The following CAMK4 variants were observed in gnomAD, a reference collection of about 807,000 sequenced individuals.
CAMK4 encodes calcium/calmodulin-dependent protein kinase type IV.
CAMK4 carries 22 observed loss-of-function variants against 44.9 expected under a neutral mutation model. The ratio of observed to expected loss-of-function variants is 0.49; its 90% CI spans 0.35 to 0.70. The LOEUF (loss-of-function observed/expected upper bound fraction) is 0.70, where lower values mean the gene tolerates loss of function less well. CAMK4 is among the 30% of genes least tolerant of loss of function. The pLI, the probability that CAMK4 is intolerant of heterozygous loss-of-function variation, is 0.01. For missense variants in CAMK4, 498 were observed against 586.8 expected (o/e 0.85, Z 1.56); for synonymous variants, 218 against 215.4 (o/e 1.01, Z -0.11).
At chr5:111,293,935 G>C (rs1023105639) in intron 1 of CAMK4, among the ~76,000 whole-genome samples, 2 of 151,806 alleles carry the variant, frequency 1.3e-5, no homozygotes, top group Admixed American at 6.6e-5. Context: ...TTTTAGTAGA[G>C]ACAGGGTTTC....
intron 7 of CAMK4, among the ~76,000 whole-genome samples, chr5:111,458,200 T>G (rs1754487383): frequency 6.6e-6 from 1 of 152,016 alleles, no homozygotes. Flanking sequence ...AGCATCTGAG[T>G]CAGTTGAGTA....
intron 1 of CAMK4, among the ~76,000 whole-genome samples, chr5:111,254,742 C>T (rs1348538438): frequency 1.3e-5 from 2 of 152,150 alleles, no homozygotes; most frequent in Admixed American, 1.3e-4. Flanking sequence ...ATGCATCATG[C>T]ACACCGCTCT....
intron 1 of CAMK4, among the ~76,000 whole-genome samples, chr5:111,254,327 C>T (rs1749645227): frequency 6.6e-6 from 1 of 152,154 alleles, no homozygotes; most frequent in African/African-American, 2.4e-5. Context: ...GGACAAGACC[C>T]TCTGGGAGGC....
At chr5:111,230,988 A>G (rs1748446507) in intron 1 of CAMK4, among the ~76,000 whole-genome samples, 1 of 152,178 alleles carries the variant, frequency 6.6e-6, no homozygotes, top group East Asian at 1.9e-4. Context: ...CATGAAGTTG[A>G]TAGCAGCTAG....
intron 1 of CAMK4, among the ~76,000 whole-genome samples, chr5:111,268,998 CT>C (rs1308209442): frequency 6.6e-6 from 1 of 152,064 alleles, no homozygotes. Context: ...GCAGGGAAGA[CT>C]TTTTGGTGAT....
intron 1 of CAMK4, among the ~76,000 whole-genome samples, chr5:111,332,635 A>G (rs1403922554): frequency 6.6e-6 from 1 of 151,562 alleles, no homozygotes; most frequent in Non-Finnish European, 1.5e-5. Flanking sequence ...TTCAAAATTA[A>G]TTACATTTTA....
intron 5 of CAMK4, among the ~76,000 whole-genome samples, chr5:111,431,774 T>G (rs565923752): frequency 9.9e-5 from 15 of 152,150 alleles, no homozygotes; most frequent in Admixed American, 6.6e-5. Flanking sequence ...TCAACATCAT[T>G]GATCATCAGA....
intron 1 of CAMK4, among the ~76,000 whole-genome samples, chr5:111,343,602 A>T (rs924034770): frequency 4.0e-5 from 6 of 151,774 alleles, no homozygotes; most frequent in African/African-American, 1.5e-4. Flanking sequence ...TACAGACTAT[A>T]TAGAGTGCTT....
At chr5:111,355,274 A>G (rs998225372) in intron 2 of CAMK4, among the ~76,000 whole-genome samples, 28 of 152,110 alleles carry the variant, frequency 1.8e-4, no homozygotes, top group African/African-American at 6.0e-4. Context: ...TGGAATAGGA[A>G]CAGGAATATT....
chr5:111,259,129 C>T (rs1749870167), intron 1 of CAMK4, among the ~76,000 whole-genome samples: 1 of 152,124 alleles, frequency 6.6e-6, no homozygotes, highest in African/African-American at 2.4e-5. Flanking sequence ...GAGCAAGAAC[C>T]CATAAAAAGA....
Position 111,424,810 on chromosome 5 carries a change from C to T in CAMK4, c.460-21876C>T, listed in dbSNP as rs574558731. Among the ~76,000 whole-genome samples, 2 of 152,102 alleles carry T rather than the reference C, an allele frequency of 1.3e-5. 1 individual carries two copies. The highest frequency in any genetic ancestry group is 2.9e-5 in the Non-Finnish European group (2 of 67,980). ...TAGTAATAGTTCCACAGGCACAACT[C>T]TTCCAGGTGTGATTAGCTGTGTAAA... is the stretch of plus-strand genomic sequence containing the variant. On this transcript the variant is annotated intron_variant, in intron 5 of 10. Coordinates refer to ENST00000282356, the MANE Select transcript of CAMK4 (RefSeq NM_001744.6).
intron 8 of CAMK4, among the ~76,000 whole-genome samples, chr5:111,476,341 G>A (rs962103214): frequency 5.9e-5 from 9 of 151,904 alleles, no homozygotes; most frequent in Non-Finnish European, 1.2e-4. Context: ...GTGCAGTGGC[G>A]TGATCTCGGC....
rs2112506754 is a variant in CAMK4 at position 111,484,729 on chromosome 5, T to C, written c.*263T>C. ...TAACACAACGTAACACTTAAAAGCA[T>C]ACATTTTCAGCAACCAGTGGCACAT... On this transcript the variant is annotated 3_prime_UTR_variant, in exon 11 of 11. Transcript: ENST00000282356. This position sits in a 1 kb window ranked among gnomAD's most constrained non-coding sequence, Gnocchi z 5.3. The C allele has an allele frequency of 3.2e-6, 1 of 307,862 alleles. No individual in the cohort carries two copies. The highest frequency in any genetic ancestry group is 5.0e-5 in the Admixed American group (1 of 19,978). The allele number at this position is 307,862 out of a possible 1,614,324, so 19.1% of individuals were successfully genotyped here. A position where few individuals can be genotyped will look rare whatever the true frequency, so the allele number is the denominator to read the frequency against.
At chr5:111,314,524 A>G (rs763118330) in intron 1 of CAMK4, among the ~76,000 whole-genome samples, 1 of 152,114 alleles carries the variant, frequency 6.6e-6, no homozygotes, top group Non-Finnish European at 1.5e-5. Context: ...TAATTCAGAA[A>G]AGGAACAAAA....
intron 4 of CAMK4, among the ~76,000 whole-genome samples, chr5:111,381,284 A>T (rs1751402331): frequency 6.6e-6 from 1 of 152,182 alleles, no homozygotes; most frequent in African/African-American, 2.4e-5. Context: ...TGACTCACGC[A>T]GTCACAAGGT....
chr5:111,378,532 A>G (rs967668479), intron 4 of CAMK4, among the ~76,000 whole-genome samples: 4 of 152,178 alleles, frequency 2.6e-5, no homozygotes, highest in African/African-American at 9.6e-5. Context: ...CTTCATTGCA[A>G]CTACATATGT....
chr5:111,372,814 TCTTC>T (rs1464009945), intron 2 of CAMK4, among the ~76,000 whole-genome samples: 1 of 152,140 alleles, frequency 6.6e-6, no homozygotes, highest in African/African-American at 2.4e-5. Context: ...AAGATGTGCG[TCTTC>T]CTTTACTCCT....
chr5:111,228,303 C>T (rs948629629), intron 1 of CAMK4, among the ~76,000 whole-genome samples: 9 of 151,932 alleles, frequency 5.9e-5, no homozygotes, highest in Non-Finnish European at 1.5e-5. Context: ...ACTGTAGTTT[C>T]TTTAGGCTAG....
chr5:111,337,124 T>C (rs1749439427), intron 1 of CAMK4, among the ~76,000 whole-genome samples: 1 of 151,222 alleles, frequency 6.6e-6, no homozygotes, highest in African/African-American at 2.4e-5. Flanking sequence ...AGTCAATCCC[T>C]CTCCAACCTG....
Sources: allele counts gnomAD v4.1 joint callset (sites outside exome capture counted in the v4.1 genomes callset), GRCh38; gene constraint gnomAD v4.1.1; non-coding constraint Gnocchi (gnomAD v3.1); transcripts MANE v1.5; gene names NCBI Gene and HGNC (gene_info 2026-07-23, HGNC 2026-07-21).